The following CPNE4 variants were observed in gnomAD, a reference collection of about 807,000 sequenced individuals.
CPNE4 encodes the protein copine 4.
A neutral mutation model predicts 67.9 loss-of-function variants in CPNE4; 25 were observed. That is an observed-to-expected ratio of 0.37 (90% CI 0.27 to 0.51). The LOEUF (loss-of-function observed/expected upper bound fraction) is 0.51. Ranked by LOEUF, CPNE4 falls within the 20% of genes least tolerant of loss-of-function variation. The pLI, the probability that CPNE4 is intolerant of heterozygous loss-of-function variation, is 0.93. For missense variants in CPNE4, 464 were observed against 690.8 expected (o/e 0.67, Z 3.68); for synonymous variants, 242 against 244.9 (o/e 0.99, Z 0.11).
intron 1 of CPNE4, among the ~76,000 whole-genome samples, chr3:131,907,444 C>T (rs1014408615): frequency 6.6e-6 from 1 of 152,044 alleles, no homozygotes; most frequent in African/African-American, 2.4e-5. Flanking sequence ...TAACTGAGTA[C>T]AGCATGCCAC....
At chr3:132,033,390 AGT>A (rs1010002261) in intron 1 of CPNE4, among the ~76,000 whole-genome samples, 11 of 111,748 alleles carry the variant, frequency 9.8e-5, no homozygotes, top group South Asian at 3.6e-4. Context: ...AGAGTGTGTG[AGT>A]GTGTGTGTGT....
chr3:131,743,920 G>A (rs557405230), intron 2 of CPNE4, among the ~76,000 whole-genome samples: 94 of 111,554 alleles, frequency 8.4e-4, no homozygotes, highest in African/African-American at 2.9e-3. Flanking sequence ...CCGAGATCGC[G>A]CCACTGCACT....
intron 6 of CPNE4, among the ~76,000 whole-genome samples, chr3:131,677,830 T>G (rs962011661): frequency 3.3e-5 from 5 of 152,326 alleles, no homozygotes; most frequent in Admixed American, 2.0e-4. Flanking sequence ...TTTTGGTGAC[T>G]GTAGCCATGT....
Position 131,774,471 on chromosome 3 carries a change from C to A in CPNE4, c.181-50846G>T, listed in dbSNP as rs559440799. The stretch of plus-strand genomic sequence containing the variant: ...AACCAACATGCTTTAAATGAAGGAG[C>A]AAAAGTATGAAAGAACCTGGGTTCA... On this transcript the variant is annotated intron_variant, in intron 2 of 15. Coordinates refer to ENST00000429747, the MANE Select transcript of CPNE4 (RefSeq NM_130808.3). 3.3e-5 allele frequency among the ~76,000 whole-genome samples: 5 copies of A among 152,018 alleles called. No individual in the cohort carries two copies. The South Asian group carries it at 1.0e-3, about 32-fold the overall frequency.
chr3:131,774,927 T>C (rs1367710296), intron 2 of CPNE4, among the ~76,000 whole-genome samples: 2 of 152,150 alleles, frequency 1.3e-5, no homozygotes, highest in African/African-American at 4.8e-5. Context: ...TGAGGGCCTC[T>C]CTTAAAATCT....
chr3:131,950,302 C>T (rs2071684859), intron 1 of CPNE4, among the ~76,000 whole-genome samples: 1 of 152,192 alleles, frequency 6.6e-6, no homozygotes, highest in Non-Finnish European at 1.5e-5. Flanking sequence ...TTAGCTGGCA[C>T]ATCTATTTTC....
At chr3:131,613,849 C>T (rs1939984951) in intron 7 of CPNE4, among the ~76,000 whole-genome samples, 1 of 152,168 alleles carries the variant, frequency 6.6e-6, no homozygotes, top group South Asian at 2.1e-4. Flanking sequence ...TCCAATTCAT[C>T]CTTTGGCCCT....
chr3:131,971,633 A>T (rs1336417959), intron 1 of CPNE4, among the ~76,000 whole-genome samples: 1 of 152,042 alleles, frequency 6.6e-6, no homozygotes, highest in African/African-American at 2.4e-5. Context: ...CTTCAGTTGC[A>T]CTCTCTACCT....
At chr3:131,652,564 T>C (rs183222258) in intron 7 of CPNE4, among the ~76,000 whole-genome samples, 1 of 152,342 alleles carries the variant, frequency 6.6e-6, no homozygotes, top group Non-Finnish European at 1.5e-5. Context: ...TTTTAAACTA[T>C]ATATTATTAA....
At chr3:131,883,657 C>T (rs546953891) in intron 2 of CPNE4, among the ~76,000 whole-genome samples, 1 of 152,334 alleles carries the variant, frequency 6.6e-6, no homozygotes, top group African/African-American at 2.4e-5. Context: ...TTTTCTCTCA[C>T]TCTTGCTTTC....
intron 1 of CPNE4, among the ~76,000 whole-genome samples, chr3:131,948,484 A>G (rs2071625918): frequency 6.6e-6 from 1 of 152,180 alleles, no homozygotes; most frequent in Non-Finnish European, 1.5e-5. Flanking sequence ...AGTCTCAGGT[A>G]TTTCTTCATA....
At chr3:131,864,692 C>T (rs780203625) in intron 2 of CPNE4, among the ~76,000 whole-genome samples, 1 of 151,944 alleles carries the variant, frequency 6.6e-6, no homozygotes, top group Non-Finnish European at 1.5e-5. Flanking sequence ...ACTGAATACC[C>T]TTTATTTCCT....
chr3:131,540,253 G>A (rs1935403386), intron 15 of CPNE4, among the ~76,000 whole-genome samples: 1 of 152,146 alleles, frequency 6.6e-6, no homozygotes, highest in Non-Finnish European at 1.5e-5. Context: ...TTACACTGCA[G>A]CCCTCCTTAA....
At chr3:131,659,049 A>G (rs546612592) in intron 7 of CPNE4, among the ~76,000 whole-genome samples, 1 of 152,318 alleles carries the variant, frequency 6.6e-6, no homozygotes, top group East Asian at 1.9e-4. Flanking sequence ...ATGTGCAAAA[A>G]TGAAAATTGA....
intron 2 of CPNE4, among the ~76,000 whole-genome samples, chr3:131,838,764 A>G (rs938968181): frequency 6.6e-6 from 1 of 151,720 alleles, no homozygotes; most frequent in Non-Finnish European, 1.5e-5. Flanking sequence ...ATCATTTTAA[A>G]AGTATTTCAA....
intron 5 of CPNE4, among the ~76,000 whole-genome samples, chr3:131,695,753 C>A (rs559195053): frequency 1.2e-4 from 18 of 152,172 alleles, no homozygotes; most frequent in Non-Finnish European, 2.4e-4. Flanking sequence ...GTGATGGTTT[C>A]ATATAATCTA....
rs375149212 is a variant in CPNE4, at chr3:131,542,643, C to T, written c.1453G>A (p.Gly485Ser). The T allele has an allele frequency of 6.2e-6, 10 of 1,613,948 alleles. No homozygotes were observed. The highest frequency in any genetic ancestry group is 2.2e-5 in the East Asian group (1 of 44,864). ...ADFSDMQMLD[G>S]DDGILRSPKG... ...GGTGACCTCAGAATCCCATCATCACCGTCCAGCATCTGCATGTCACTGAAG... is the reference window on the plus strand; with the variant it reads ...GGTGACCTCAGAATCCCATCATCACTGTCCAGCATCTGCATGTCACTGAAG... Residue 485 changes from glycine (G) to serine (S), a missense_variant, in exon 15 of 16, where the codon GGT becomes AGT. This residue lies in a region of CPNE4 where 201 missense variants were observed against 357.7 expected (regional missense o/e 0.56). Transcript: ENST00000429747.
intron 7 of CPNE4, among the ~76,000 whole-genome samples, chr3:131,650,231 A>G (rs1459220549): frequency 6.6e-6 from 1 of 152,194 alleles, no homozygotes; most frequent in East Asian, 1.9e-4. Context: ...ATACAACCAT[A>G]TATGACATAA....
chr3:131,606,203 G>T (rs549290356), intron 7 of CPNE4, among the ~76,000 whole-genome samples: 1 of 152,288 alleles, frequency 6.6e-6, no homozygotes, highest in East Asian at 1.9e-4. Flanking sequence ...ACAGACAGGA[G>T]GAAGTCTTGG....
Sources: gnomAD v4.1 joint callset for allele counts (sites outside exome capture counted in the v4.1 genomes callset) on GRCh38, gnomAD v4.1.1 for gene constraint, gnomAD v4.1.1 regional missense constraint, MANE v1.5 for transcripts, NCBI Gene and HGNC (gene_info 2026-07-23, HGNC 2026-07-21) for gene names.